The following SHISA6 variants were observed in gnomAD, a reference collection of about 807,000 sequenced individuals.
SHISA6 encodes protein shisa-6.
A neutral mutation model predicts 47.9 loss-of-function variants in SHISA6; 22 were observed. The observed-to-expected ratio is 0.46, with a 90% CI of 0.33 to 0.66. The LOEUF (loss-of-function observed/expected upper bound fraction) is 0.66, where lower values mean the gene tolerates loss of function less well. SHISA6 is among the 30% of genes least tolerant of loss of function. The pLI, the probability that SHISA6 is intolerant of heterozygous loss-of-function variation, is 0.02. For missense variants in SHISA6, 680 were observed against 764.6 expected, an observed-to-expected ratio of 0.89 and a Z score of 1.30; for synonymous variants, 388 against 337.8, an observed-to-expected ratio of 1.15 and a Z score of -1.63.
intron 3 of SHISA6, among the ~76,000 whole-genome samples, chr17:11,487,239 C>T (rs1481226978): frequency 6.6e-6 from 1 of 152,118 alleles, no homozygotes; most frequent in African/African-American, 2.4e-5. Context: ...CCTGACAGCC[C>T]CAAAGAGACT....
At chr17:11,338,576 AT>A (rs796989290) in intron 2 of SHISA6, among the ~76,000 whole-genome samples, 759 of 138,002 alleles carry the variant, frequency 5.5e-3, no homozygotes, top group Middle Eastern at 0.015. Flanking sequence ...TAATTTTTGT[AT>A]TTTTTTTTTT....
rs139217385 is a variant in SHISA6 at position 11,315,060 on chromosome 17, T to C, written c.799+51534T>C. Among the ~76,000 whole-genome samples, 339 of 152,346 alleles carry C rather than the reference T, an allele frequency of 2.2e-3. 1 individual carries two copies. The highest frequency in any genetic ancestry group is 7.7e-3 in the African/African-American group (322 of 41,586). On this transcript the variant is annotated intron_variant, in intron 2 of 5. Transcript: ENST00000441885. ...AATTCATAGCTTAATGTGGGGCAGATTGACATTTTAAACATCTTGAGTTTT... is the reference window on the plus strand; with the variant it reads ...AATTCATAGCTTAATGTGGGGCAGACTGACATTTTAAACATCTTGAGTTTT...
intron 3 of SHISA6, among the ~76,000 whole-genome samples, chr17:11,383,856 T>C (rs1913111663): frequency 6.6e-6 from 1 of 152,068 alleles, no homozygotes; most frequent in Non-Finnish European, 1.5e-5. Flanking sequence ...CCCTGAAATA[T>C]TTTCTTCGTT....
chr17:11,551,696 G>A (rs191021636), intron 3 of SHISA6, among the ~76,000 whole-genome samples, 200 bp from the exon 4 acceptor site: 6 of 152,276 alleles, frequency 3.9e-5, no homozygotes, highest in Admixed American at 2.6e-4. Flanking sequence ...TGGTGACAGA[G>A]GAAACCCTGT....
intron 2 of SHISA6, among the ~76,000 whole-genome samples, chr17:11,355,634 C>T (rs1234892152): frequency 6.6e-6 from 1 of 152,208 alleles, no homozygotes; most frequent in Non-Finnish European, 1.5e-5. Flanking sequence ...ATAAAACACA[C>T]TGATCTCTGC....
chr17:11,327,986 T>C (rs1479598787), intron 2 of SHISA6, among the ~76,000 whole-genome samples: 1 of 152,176 alleles, frequency 6.6e-6, no homozygotes, highest in Non-Finnish European at 1.5e-5. Context: ...ACAGTTTTGT[T>C]AAATTAAAAA....
At position 11,270,891 on chromosome 17, in the gene SHISA6, A is replaced by T. The variant is rs536308061; in HGVS notation, c.799+7365A>T. Among the ~76,000 whole-genome samples, 3 of 152,238 alleles carry T rather than the reference A, an allele frequency of 2.0e-5. No individual in the cohort carries two copies. The South Asian group carries it at 6.2e-4, about 32-fold the overall frequency. On this transcript the variant is annotated intron_variant, in intron 2 of 5. Transcript: ENST00000441885. ...TGTGAGCCCAGGAGGTGCCCTGCCAATGTCAGGTCCCATTCCCCTCTTTCC... is the reference window on the plus strand; with the variant it reads ...TGTGAGCCCAGGAGGTGCCCTGCCATTGTCAGGTCCCATTCCCCTCTTTCC...
chr17:11,545,936 G>A (rs1033498827), intron 3 of SHISA6, among the ~76,000 whole-genome samples: 2 of 152,174 alleles, frequency 1.3e-5, no homozygotes, highest in African/African-American at 2.4e-5. Flanking sequence ...ACCCAGCCTC[G>A]GAAGTCGTGC....
rs2071518423 is a variant in SHISA6 at position 11,508,505 on chromosome 17, C to G, written c.896-43391C>G. Among the ~76,000 whole-genome samples the G allele has an allele frequency of 1.5e-5, 2 of 137,192 alleles. 1 individual carries two copies. The highest frequency in any genetic ancestry group is 5.1e-4 in the South Asian group (2 of 3,894). The allele number at this position is 137,192 out of a possible 152,430, so 90.0% of individuals were successfully genotyped here. A position where few individuals can be genotyped will look rare whatever the true frequency, so the allele number is the denominator to read the frequency against. ...ACCTCTAAAGCTCAGGAACCAGTGGCCAAATCCTCAAATTCACTCATGGTT... is the reference window on the plus strand; with the variant it reads ...ACCTCTAAAGCTCAGGAACCAGTGGGCAAATCCTCAAATTCACTCATGGTT... On this transcript the variant is annotated intron_variant, in intron 3 of 5. Coordinates refer to ENST00000441885, the MANE Select transcript of SHISA6 (RefSeq NM_207386.4).
intron 3 of SHISA6, among the ~76,000 whole-genome samples, chr17:11,440,031 T>G (rs1915055169): frequency 6.6e-6 from 1 of 152,226 alleles, no homozygotes; most frequent in Non-Finnish European, 1.5e-5. Flanking sequence ...GGAGGCAGCC[T>G]GAGGGTCCTG....
At chr17:11,553,145 A>C (rs550332226) in intron 4 of SHISA6, among the ~76,000 whole-genome samples, 1 of 152,302 alleles carries the variant, frequency 6.6e-6, no homozygotes, top group African/African-American at 2.4e-5. Flanking sequence ...AGTTTGCAAG[A>C]AAAAAATATT....
At chr17:11,316,651 A>C (rs1910535810) in intron 2 of SHISA6, among the ~76,000 whole-genome samples, 1 of 151,788 alleles carries the variant, frequency 6.6e-6, no homozygotes, top group Non-Finnish European at 1.5e-5. Flanking sequence ...CGATCTCCTA[A>C]CCTAGTGACT....
chr17:11,268,385 C>A (rs1448570304), intron 2 of SHISA6, among the ~76,000 whole-genome samples: 1 of 152,164 alleles, frequency 6.6e-6, no homozygotes, highest in Non-Finnish European at 1.5e-5. Context: ...CCCCACGCCT[C>A]TCTGACCTCA....
At position 11,311,828 on chromosome 17, in the gene SHISA6, T is replaced by A. The variant is rs367885814; in HGVS notation, c.799+48302T>A. On this transcript the variant is annotated intron_variant, in intron 2 of 5. Coordinates refer to ENST00000441885, the MANE Select transcript of SHISA6 (RefSeq NM_207386.4). ...TCTCACTCTGTTGCCCAGGCTGGAG[T>A]GCAGTGGGGCGATCTTGGCTCACTG... Among the ~76,000 whole-genome samples, 87 of 152,226 alleles carry A rather than the reference T, an allele frequency of 5.7e-4. 1 individual carries two copies. In the East Asian group the frequency reaches 0.013, roughly 23 times the overall value.
intron 2 of SHISA6, among the ~76,000 whole-genome samples, chr17:11,292,172 C>T (rs1909576309): frequency 6.6e-6 from 1 of 152,136 alleles, no homozygotes; most frequent in Admixed American, 6.6e-5. Flanking sequence ...ACAAAGATCT[C>T]ATTTTAACTT....
In SHISA6 at chr17:11,397,395, C is replaced by CTGTGTGTGTGTGTGTGTGTGTG. The variant is rs3034221; in HGVS notation, c.895+17900_895+17921dup. Among the ~76,000 whole-genome samples the CTGTGTGTGTGTGTGTGTGTGTG allele has an allele frequency of 2.2e-3, 316 of 140,498 alleles. 1 individual carries two copies. Among genetic ancestry groups the CTGTGTGTGTGTGTGTGTGTGTG allele is most frequent in the African/African-American group, 4.9e-3 (180 of 36,390 alleles). 92.2% of individuals were successfully genotyped at this position (140,498 alleles called of 152,430 possible). A position where few individuals can be genotyped will look rare whatever the true frequency, so the allele number is the denominator to read the frequency against. Reference sequence around the variant, plus strand: ...TAAATGTCTACTCTCTTACCTGCCTCTGTGTGTGTGTGTGTGTGTGTGTGT... The same window carrying CTGTGTGTGTGTGTGTGTGTGTG: ...TAAATGTCTACTCTCTTACCTGCCTCTGTGTGTGTGTGTGTGTGTGTGTGTGTGTGTGTGTGTGTGTGTGTGT... On this transcript the variant is annotated intron_variant, in intron 3 of 5. Transcript: ENST00000441885.
intron 2 of SHISA6, among the ~76,000 whole-genome samples, chr17:11,323,732 A>G (rs935439669): frequency 6.6e-6 from 1 of 151,860 alleles, no homozygotes; most frequent in African/African-American, 2.4e-5. Flanking sequence ...TGGGACTTCA[A>G]CCTGTAGGCT....
intron 3 of SHISA6, among the ~76,000 whole-genome samples, chr17:11,408,240 TA>T (rs111742214): frequency 1.3e-4 from 20 of 152,016 alleles, no homozygotes; most frequent in East Asian, 5.8e-4. Context: ...AGAATGTAAT[TA>T]AAAAAAAATA....
intron 3 of SHISA6, among the ~76,000 whole-genome samples, chr17:11,382,218 G>A (rs978270757): frequency 2.6e-5 from 4 of 151,996 alleles, no homozygotes; most frequent in African/African-American, 9.7e-5. Flanking sequence ...GACTACAGGC[G>A]CATGCTCCCA....
Sources: gnomAD v4.1 joint callset for allele counts (sites outside exome capture counted in the v4.1 genomes callset) on GRCh38, gnomAD v4.1.1 for gene constraint, MANE v1.5 for transcripts, NCBI Gene and HGNC (gene_info 2026-07-23, HGNC 2026-07-21) for gene names.